PRMT3: variants seen among roughly 807,000 people sequenced by gnomAD.
PRMT3 encodes the protein protein arginine methyltransferase 3, also known as protein arginine N-methyltransferase 3.
PRMT3 carries 62 observed loss-of-function variants against 71.9 expected under a neutral mutation model. The observed-to-expected ratio is 0.86, with a 90% CI of 0.70 to 1.07. PRMT3 has a LOEUF of 1.07. Among genes scored for constraint, PRMT3 ranks in the 50% least tolerant of loss-of-function variants. The pLI is 0.00. For missense variants in PRMT3, 663 were observed against 643.0 expected (o/e 1.03, Z -0.34); for synonymous variants, 213 against 220.4 (o/e 0.97, Z 0.30).
At chr11:20,469,968 T>A (rs879483544) in intron 13 of PRMT3, among the ~76,000 whole-genome samples, 11 of 152,224 alleles carry the variant, frequency 7.2e-5, no homozygotes, top group Admixed American at 1.3e-4. Context: ...CAGACTTTTT[T>A]AATACAGTCA....
At chr11:20,445,281 T>C (rs1850000012) in intron 10 of PRMT3, among the ~76,000 whole-genome samples, 1 of 152,122 alleles carries the variant, frequency 6.6e-6, no homozygotes, top group Non-Finnish European at 1.5e-5. Context: ...TAAAATTTTA[T>C]GTGCAAATAG....
At chr11:20,391,784 A>G (rs1848721649) in intron 3 of PRMT3, among the ~76,000 whole-genome samples, 1 of 152,212 alleles carries the variant, frequency 6.6e-6, no homozygotes, top group South Asian at 2.1e-4. Flanking sequence ...GGCTTGCATC[A>G]TTTAACTTCA....
At chr11:20,483,811 C>T (rs534143666) in intron 13 of PRMT3, among the ~76,000 whole-genome samples, 2 of 152,282 alleles carry the variant, frequency 1.3e-5, no homozygotes, top group African/African-American at 2.4e-5. Context: ...GATCCCTGCT[C>T]GTCTTTAAGG....
At position 20,460,036 on chromosome 11, in the gene PRMT3, G is replaced by A. The variant is rs144522719; in HGVS notation, c.1073-1944G>A. Among the ~76,000 whole-genome samples the A allele has an allele frequency of 3.3e-5, 5 of 152,266 alleles. No homozygotes were observed. In the East Asian group the frequency reaches 9.7e-4, roughly 29 times the overall value. On this transcript the variant is annotated intron_variant, in intron 11 of 15. Coordinates refer to ENST00000331079, the MANE Select transcript of PRMT3 (RefSeq NM_005788.4). ...CTTCTTATCAGTGACTTAGTACTAC[G>A]TAGTTTTTTCTGAGTATCTCACAAG...
chr11:20,492,766 G>T (rs1215527570), intron 13 of PRMT3, among the ~76,000 whole-genome samples: 1 of 152,116 alleles, frequency 6.6e-6, no homozygotes, highest in Non-Finnish European at 1.5e-5. Context: ...TTCTTTAAGA[G>T]ATCTTTTGTA....
intron 15 of PRMT3, among the ~76,000 whole-genome samples, chr11:20,502,044 C>T (rs896842045): frequency 5.3e-5 from 8 of 151,950 alleles, no homozygotes; most frequent in Non-Finnish European, 1.0e-4. Flanking sequence ...GAAATTAATT[C>T]TAAAAAATAC....
chr11:20,417,879 C>G (rs1217212611), intron 9 of PRMT3, among the ~76,000 whole-genome samples: 1 of 152,100 alleles, frequency 6.6e-6, no homozygotes, highest in African/African-American at 2.4e-5. Context: ...CCTTTCCTGG[C>G]TAAGCTCAGA....
chr11:20,388,195 C>T (rs1848640179), intron 2 of PRMT3, 41 bp downstream of exon 2: 4 of 1,610,126 alleles, frequency 2.5e-6, no homozygotes, highest in African/African-American at 2.7e-5. Context: ...CTAGGGTGCC[C>T]GGGCGCGTGG....
chr11:20,412,590 T>A (rs1022523759), intron 9 of PRMT3, among the ~76,000 whole-genome samples: 2 of 152,170 alleles, frequency 1.3e-5, no homozygotes, highest in Non-Finnish European at 2.9e-5. Flanking sequence ...TTTGTTTTTG[T>A]TGGAGTATTT....
chr11:20,396,120 A>G (rs1191744195), intron 6 of PRMT3, among the ~76,000 whole-genome samples, 158 bp downstream of exon 6: 3 of 152,212 alleles, frequency 2.0e-5, no homozygotes, highest in Non-Finnish European at 4.4e-5. Context: ...TTTGTACACT[A>G]TGGATATAGT....
chr11:20,476,806 G>GA (rs1850800413), intron 13 of PRMT3, among the ~76,000 whole-genome samples: 1 of 151,312 alleles, frequency 6.6e-6, no homozygotes, highest in South Asian at 2.1e-4. Context: ...TGAATTCCTT[G>GA]ACATTTATAA....
chr11:20,463,517 A>G (rs956006667), intron 12 of PRMT3, among the ~76,000 whole-genome samples: 4 of 152,150 alleles, frequency 2.6e-5, no homozygotes, highest in Non-Finnish European at 5.9e-5. Context: ...CCATGAATAA[A>G]TAGTTGAGAC....
At chr11:20,506,963 C>G (rs1402828852) in intron 15 of PRMT3, among the ~76,000 whole-genome samples, 1 of 152,208 alleles carries the variant, frequency 6.6e-6, no homozygotes, top group Non-Finnish European at 1.5e-5. Context: ...TGTGTGTTCA[C>G]TGTTTCACAT....
intron 7 of PRMT3, among the ~76,000 whole-genome samples, chr11:20,402,427 TTATTTC>T (rs771453558): frequency 6.6e-6 from 1 of 152,080 alleles, no homozygotes; most frequent in Non-Finnish European, 1.5e-5. Context: ...CCTGTTATTT[TTATTTC>T]TATTTTTTTT....
chr11:20,470,800 G>GTCTT (rs1345595486), intron 13 of PRMT3, among the ~76,000 whole-genome samples: 1 of 152,058 alleles, frequency 6.6e-6, no homozygotes, highest in Non-Finnish European at 1.5e-5. Context: ...CTGCCTCTAG[G>GTCTT]TCTTTGAGGA....
At chr11:20,477,358 C>T (rs1850816779) in intron 13 of PRMT3, among the ~76,000 whole-genome samples, 1 of 151,972 alleles carries the variant, frequency 6.6e-6, no homozygotes, top group South Asian at 2.1e-4. Flanking sequence ...GGCAGATCAC[C>T]TGAGGTCAGG....
At chr11:20,476,510 G>GTTAATAAATAAATGT (rs1850789753) in intron 13 of PRMT3, among the ~76,000 whole-genome samples, 2 of 152,162 alleles carry the variant, frequency 1.3e-5, no homozygotes, top group African/African-American at 4.8e-5. Context: ...AGGAAAAATG[G>GTTAATAAATAAATGT]AGTTAATAAA....
At chr11:20,452,291 A>C in intron 11 of PRMT3, 83 bp downstream of exon 11, 1 of 1,094,710 alleles carries the variant, frequency 9.1e-7, no homozygotes, top group Non-Finnish European at 1.4e-6. Context: ...TAAACTATGC[A>C]TGGCTGAGGA....
chr11:20,449,436 A>G (rs116461350), intron 10 of PRMT3, among the ~76,000 whole-genome samples: 5,010 of 152,248 alleles, frequency 0.033, 192 homozygotes, highest in Admixed American at 0.12. Flanking sequence ...ATTTTCAATT[A>G]GACAAATCAA....
Sources: gnomAD v4.1 joint callset for allele counts (sites outside exome capture counted in the v4.1 genomes callset) on GRCh38, gnomAD v4.1.1 for gene constraint, MANE v1.5 for transcripts, NCBI Gene and HGNC (gene_info 2026-07-23, HGNC 2026-07-21) for gene names.